Variants in FRMD6 observed in about 807,000 individuals in gnomAD.
FRMD6 encodes the protein FERM domain containing 6.
In FRMD6, 37 loss-of-function variants were observed where a neutral mutation model predicts 73.2. That is an observed-to-expected ratio of 0.51 (90% CI 0.39 to 0.66). The LOEUF (loss-of-function observed/expected upper bound fraction) is 0.66, where lower values mean the gene tolerates loss of function less well. FRMD6 is among the 30% of genes least tolerant of loss of function. FRMD6 has a pLI of 0.00. For synonymous variants in FRMD6, 273 were observed against 282.2 expected (o/e 0.97, Z 0.33); for missense variants, 714 against 780.5 (o/e 0.91, Z 1.02).
chr14:51,510,028 T>G lies in FRMD6; in HGVS notation c.-210+20608T>G, dbSNP rs540226244. On this transcript the variant is annotated intron_variant, in intron 1 of 14. Transcript: ENST00000356218. ...AATCTTCCCTTCAGGCCTAGCACCC[T>G]AGGGCAGCCATTTTGGAGGAAAACA... Among the ~76,000 whole-genome samples the G allele has an allele frequency of 2.0e-5, 3 of 152,238 alleles. No homozygotes were observed. In the South Asian group the frequency reaches 6.2e-4, roughly 32 times the overall value.
At chr14:51,465,802 TA>T in the FRMD6 span, among the ~76,000 whole-genome samples, 5 of 152,130 alleles carry the variant, frequency 3.3e-5, no homozygotes, top group African/African-American at 1.2e-4. Context: ...TTTTTTTTTT[TA>T]TTGGCAAATA....
At position 51,582,991 on chromosome 14, in the gene FRMD6, C is replaced by G. The variant is rs181926376; in HGVS notation, c.-147+12581C>G. Among the ~76,000 whole-genome samples the G allele has an allele frequency of 1.7e-4, 26 of 152,250 alleles. No individual in the cohort carries two copies. In the East Asian group the frequency reaches 4.4e-3, roughly 26 times the overall value. The stretch of plus-strand genomic sequence containing the variant: ...CCACACATAGTTTTTACTTTCTCGC[C>G]TTTCCTGCAATAACTGCCTCAACAT... On this transcript the variant is annotated intron_variant, in intron 2 of 14. Coordinates refer to the FRMD6 transcript ENST00000356218.
chr14:51,716,633 A>T (rs1897257109), intron 10 of FRMD6, among the ~76,000 whole-genome samples: 1 of 152,318 alleles, frequency 6.6e-6, no homozygotes, highest in African/African-American at 2.4e-5. Context: ...ATTCTTTTGT[A>T]ATTTCGTAGC....
intron 1 of FRMD6, among the ~76,000 whole-genome samples, chr14:51,520,601 A>C (rs910506903): frequency 6.6e-6 from 1 of 152,232 alleles, no homozygotes; most frequent in African/African-American, 2.4e-5. Context: ...ATTAAAAATC[A>C]GCAGTTAAAA....
intron 1 of FRMD6, among the ~76,000 whole-genome samples, chr14:51,661,321 A>T (rs1347161746): frequency 6.6e-6 from 1 of 152,180 alleles, no homozygotes; most frequent in Non-Finnish European, 1.5e-5. Context: ...CACATAATCC[A>T]AGAAGTGTTT....
chr14:51,421,038 AGTAATGGGATTACAGAC>A, the FRMD6 span, among the ~76,000 whole-genome samples: 7 of 152,148 alleles, frequency 4.6e-5, no homozygotes, highest in Non-Finnish European at 1.0e-4. Flanking sequence ...AGTCTCCCAA[AGTAATGGGATTACAGAC>A]GTGAGCCACT....
At chr14:51,669,940 T>C (rs143625862) in intron 1 of FRMD6, among the ~76,000 whole-genome samples, 33 of 152,280 alleles carry the variant, frequency 2.2e-4, no homozygotes, top group African/African-American at 7.7e-4. Flanking sequence ...TTTTAGAGTT[T>C]TAGCTTTTCA....
intron 1 of FRMD6, among the ~76,000 whole-genome samples, chr14:51,497,973 C>G (rs1460665116): frequency 6.6e-6 from 1 of 152,112 alleles, no homozygotes; most frequent in African/African-American, 2.4e-5. Flanking sequence ...TAATCTTTAC[C>G]CTGAAACCAT....
chr14:51,452,500 T>C, the FRMD6 span, among the ~76,000 whole-genome samples: 1 of 152,158 alleles, frequency 6.6e-6, no homozygotes, highest in African/African-American at 2.4e-5. Context: ...ATTTGGAGCA[T>C]ATTGACTGAG....
intron 1 of FRMD6, among the ~76,000 whole-genome samples, chr14:51,520,714 A>C (rs763092070): frequency 1.5e-4 from 23 of 152,154 alleles, no homozygotes; most frequent in Non-Finnish European, 2.5e-4. Context: ...CCTAGGCAAC[A>C]TGGCAAAACT....
At chr14:51,482,688 G>GTGTGTGTGTGTGTGTT in the FRMD6 span, among the ~76,000 whole-genome samples, 3 of 151,864 alleles carry the variant, frequency 2.0e-5, no homozygotes, top group Admixed American at 1.3e-4. Flanking sequence ...GTGTGTGTGT[G>GTGTGTGTGTGTGTGTT]TGTGTATTTG....
At chr14:51,598,256 A>C (rs1889831747) in intron 2 of FRMD6, among the ~76,000 whole-genome samples, 1 of 152,152 alleles carries the variant, frequency 6.6e-6, no homozygotes, top group African/African-American at 2.4e-5. Flanking sequence ...CAGACACAGA[A>C]AGTGGTCCCA....
chr14:51,508,470 C>T (rs1487626317), intron 1 of FRMD6, among the ~76,000 whole-genome samples: 19 of 152,212 alleles, frequency 1.2e-4, no homozygotes, highest in Admixed American at 1.2e-3. Context: ...TCCCACAAGT[C>T]CTCACACTCA....
At chr14:51,531,818 A>G (rs138633207) in intron 1 of FRMD6, among the ~76,000 whole-genome samples, 170 of 152,352 alleles carry the variant, frequency 1.1e-3, no homozygotes, top group African/African-American at 3.0e-3. Context: ...TATCAGAAAT[A>G]CATTCATTTG....
At chr14:51,668,725 G>A (rs1893783576) in intron 1 of FRMD6, among the ~76,000 whole-genome samples, 1 of 152,018 alleles carries the variant, frequency 6.6e-6, no homozygotes, top group Admixed American at 6.6e-5. Context: ...AGAGTGCAGT[G>A]CCATAGTCTT....
chr14:51,579,017 T>C (rs1050300951), intron 2 of FRMD6: 7 of 152,120 alleles, frequency 4.6e-5, no homozygotes, highest in Non-Finnish European at 1.0e-4. Flanking sequence ...TGGCACAAGG[T>C]TTGCTCTAAA....
chr14:51,487,055 A>G (rs927647221), upstream of FRMD6, among the ~76,000 whole-genome samples: 31 of 151,974 alleles, frequency 2.0e-4, 1 homozygote, highest in Middle Eastern at 3.2e-3. Flanking sequence ...GACCTACTGC[A>G]TCAGAAACTC....
At chr14:51,486,290 T>C (rs557883389), upstream of FRMD6, among the ~76,000 whole-genome samples, 6 of 152,260 alleles carry the variant, frequency 3.9e-5, no homozygotes, top group South Asian at 1.2e-3. Context: ...CTCCTCGGCC[T>C]CCCAAAGTGC....
intron 2 of FRMD6, among the ~76,000 whole-genome samples, chr14:51,587,551 T>TA (rs1412287776): frequency 7.9e-5 from 12 of 152,200 alleles, no homozygotes; most frequent in Admixed American, 7.2e-4. Context: ...TGTGGTTGAG[T>TA]AAGGTGTTTT....
Sources: allele counts gnomAD v4.1 joint callset (sites outside exome capture counted in the v4.1 genomes callset), GRCh38; gene constraint gnomAD v4.1.1; transcripts MANE v1.5; gene names NCBI Gene and HGNC (gene_info 2026-07-23, HGNC 2026-07-21).